Variants in CTH observed in about 807,000 individuals in gnomAD.
CTH encodes cystathionase (cystathionine gamma-lyase).
In CTH, 41 loss-of-function variants were observed where a neutral mutation model predicts 50.6. The observed-to-expected ratio is 0.81, with a 90% CI of 0.63 to 1.05. The LOEUF is 1.05. Ranked by LOEUF, CTH falls within the 50% of genes least tolerant of loss-of-function variation. The pLI is 0.00. For missense variants in CTH, 470 were observed against 492.6 expected, an observed-to-expected ratio of 0.95 and a Z score of 0.43; for synonymous variants, 156 against 168.9, an observed-to-expected ratio of 0.92 and a Z score of 0.59.
intron 5 of CTH, among the ~76,000 whole-genome samples, chr1:70,426,248 C>G (rs927470933): frequency 6.6e-6 from 1 of 152,178 alleles, no homozygotes; most frequent in Non-Finnish European, 1.5e-5. Flanking sequence ...TTCTCCCTCT[C>G]TTTCCTCTGA....
rs1683954853 is a variant in CTH at position 70,411,302 on chromosome 1, C to A, written c.-114C>A. 9 of 1,068,086 alleles carry A rather than the reference C, an allele frequency of 8.4e-6. No individual in the cohort carries two copies. 66.2% of individuals were successfully genotyped at this position (1,068,086 alleles called of 1,614,324 possible). A position where few individuals can be genotyped will look rare whatever the true frequency, so the allele number is the denominator to read the frequency against. On this transcript the variant is annotated 5_prime_UTR_variant, in exon 1 of 12. Transcript: ENST00000370938. The stretch of plus-strand genomic sequence containing the variant: ...GTGCGCTCGCCGTCGGCTCTACCTG[C>A]GTGCTTTAGCTCCTTCTCGCCTGAT...
Position 70,435,108 on chromosome 1 carries a change from T to C in CTH, c.1000-17T>C. On this transcript the variant is annotated splice_polypyrimidine_tract_variant and intron_variant, in intron 9 of 11. Transcript: ENST00000370938. The stretch of plus-strand genomic sequence containing the variant: ...TATTTTACTAGAAAATCTAAATTCA[T>C]GTTTTCTTTGCTATAGCTATTTACT... 6.2e-7 allele frequency: 1 copy of C among 1,607,210 alleles called. No homozygotes were observed.
At chr1:70,422,899 C>T (rs529710162) in intron 4 of CTH, among the ~76,000 whole-genome samples, 16 of 152,150 alleles carry the variant, frequency 1.1e-4, no homozygotes, top group Admixed American at 3.9e-4. Flanking sequence ...CATGAGCCAC[C>T]GTGCCGGGCC....
intron 5 of CTH, among the ~76,000 whole-genome samples, 183 bp downstream of exon 5, chr1:70,424,599 C>G (rs184183501): frequency 3.1e-4 from 47 of 152,220 alleles, no homozygotes; most frequent in African/African-American, 9.9e-4. Flanking sequence ...CTTTTCAAAC[C>G]TATGTTAATA....
chr1:70,416,558 A>G (rs77807700), intron 2 of CTH, among the ~76,000 whole-genome samples: 1 of 134,484 alleles, frequency 7.4e-6, no homozygotes, highest in African/African-American at 2.8e-5. Context: ...ACACCCTGCT[A>G]ATTTTTTTTT....
Position 70,415,956 on chromosome 1 carries a change from G to T in CTH, c.169G>T (p.Gly57Cys). 6.3e-7 allele frequency: 1 copy of T among 1,596,878 alleles called. No homozygotes were observed. ...FKQGAPGQHSGFEYSRSGNPT... is the reference protein window; with the variant it reads ...FKQGAPGQHSCFEYSRSGNPT... ...ATGAACTCGAACTTGTTTTTTTCAG[G>T]GTTTTGAATATAGCCGTTCTGGAAA... Residue 57 changes from glycine to cysteine, a missense_variant and splice_region_variant, in exon 2 of 12, where the codon GGT becomes TGT. Coordinates refer to ENST00000370938, the MANE Select transcript of CTH (RefSeq NM_001902.6).
rs1684295727 is a variant in CTH at position 70,424,314 on chromosome 1, C to T, written c.486C>T (p.Pro162=). ...KLVWIETPTN[P]TQKVIDIEGC... is the part of the protein sequence containing the mutation. ...TTTGGATCGAAACCCCCACAAACCC[C>T]ACCCAGAAGGTGATTGACATTGAAG... The change falls in exon 5 of 12, where the codon CCC becomes CCT. Residue 162 remains proline (P), a synonymous_variant. Transcript: ENST00000370938. The T allele has an allele frequency of 1.2e-6, 2 of 1,614,120 alleles. No individual in the cohort carries two copies. The highest frequency in any genetic ancestry group is 4.5e-5 in the East Asian group (2 of 44,868).
intron 1 of CTH, among the ~76,000 whole-genome samples, chr1:70,412,319 C>T (rs1033123016): frequency 3.3e-5 from 5 of 152,230 alleles, no homozygotes; most frequent in Non-Finnish European, 7.3e-5. Context: ...AAGAACACAA[C>T]TCATGACCGG....
At chr1:70,428,160 T>G (rs924894462) in intron 5 of CTH, among the ~76,000 whole-genome samples, 3 of 152,188 alleles carry the variant, frequency 2.0e-5, no homozygotes, top group African/African-American at 2.4e-5. Context: ...ATCTCATTCA[T>G]GTGTGGAATG....
rs1021737 is a variant in CTH at position 70,439,117 on chromosome 1, G to T, written c.1208G>T (p.Ser403Ile). 450,391 of 1,608,522 alleles carry T rather than the reference G, an allele frequency of 0.28. 66,116 individuals carry two copies. The highest frequency in any genetic ancestry group is 0.4 in the Admixed American group (24,008 of 59,966). Reference protein sequence around the residue: ...ALKAAHPPSGSHS With the variant: ...ALKAAHPPSGIHS ...TTATTATAGCACCCTCCAAGTGGAA[G>T]TCACAGCTAGTATTCCAGAGCTGCT... The change falls in exon 12 of 12, where the codon AGT (serine) becomes ATT (isoleucine). Residue 403 changes from serine to isoleucine, a missense_variant. Coordinates refer to ENST00000370938, the MANE Select transcript of CTH (RefSeq NM_001902.6).
intron 5 of CTH, among the ~76,000 whole-genome samples, chr1:70,428,773 G>C (rs1684402717): frequency 6.6e-6 from 1 of 151,632 alleles, no homozygotes; most frequent in African/African-American, 2.4e-5. Flanking sequence ...ACCATGCTCA[G>C]CTAATTTTTT....
intron 4 of CTH, among the ~76,000 whole-genome samples, chr1:70,422,211 G>A (rs908360970): frequency 2.6e-5 from 4 of 152,216 alleles, no homozygotes; most frequent in Non-Finnish European, 5.9e-5. Context: ...TGTAAGGGAT[G>A]CTGCCCAGAT....
At chr1:70,418,182 T>TGGGAAAAGA in intron 3 of CTH, 150 bp downstream of exon 3, 1 of 917,294 alleles carries the variant, frequency 1.1e-6, no homozygotes, top group East Asian at 2.7e-5. Context: ...CTCTCAGACT[T>TGGGAAAAGA]GGGAAAAGAG....
At chr1:70,433,550 C>A (rs1175438916) in intron 8 of CTH, among the ~76,000 whole-genome samples, 1 of 152,092 alleles carries the variant, frequency 6.6e-6, no homozygotes, top group Non-Finnish European at 1.5e-5. Context: ...ATATAATTAA[C>A]AAGGGAAGTC....
Position 70,411,459 on chromosome 1 carries a change from T to G in CTH, c.44T>G (p.Phe15Cys). ...DASSQGFLPH[F>C]QHFATQAIHV... ...TCCTCACAAGGTTTCCTGCCACACT[T>G]CCAACATTTCGCCACGCAGGCGATC... Residue 15 changes from phenylalanine (F) to cysteine (C), a missense_variant, in exon 1 of 12, where the codon TTC (phenylalanine) becomes TGC (cysteine). Transcript: ENST00000370938. 6.2e-7 allele frequency: 1 copy of G among 1,614,114 alleles called. No homozygotes were observed. Among genetic ancestry groups the G allele is most frequent in the Non-Finnish European group, 8.5e-7 (1 of 1,180,018 alleles).
In CTH at chr1:70,430,293, T is replaced by C. The variant is rs778886445; in HGVS notation, c.647-24T>C. 2.9e-6 allele frequency: 4 copies of C among 1,387,944 alleles called. No individual in the cohort carries two copies. In the South Asian group the frequency reaches 3.5e-5, roughly 12 times the overall value. 86.0% of individuals were successfully genotyped at this position (1,387,944 alleles called of 1,614,324 possible). On this transcript the variant is annotated intron_variant, in intron 6 of 11. Coordinates refer to ENST00000370938, the MANE Select transcript of CTH (RefSeq NM_001902.6). ...ATTGTTTCTAACTGAAATTTTTGTTTGTTTGTTTGTTTTTTGTTTTTAGGC... is the reference window on the plus strand; with the variant it reads ...ATTGTTTCTAACTGAAATTTTTGTTCGTTTGTTTGTTTTTTGTTTTTAGGC...
chr1:70,431,630 T>C (rs1684477561), intron 7 of CTH, among the ~76,000 whole-genome samples: 1 of 152,212 alleles, frequency 6.6e-6, no homozygotes, highest in African/African-American at 2.4e-5. Flanking sequence ...ATGAAGTATA[T>C]ATCCTGGAGG....
chr1:70,423,303 G>A (rs1016668268), intron 4 of CTH, among the ~76,000 whole-genome samples: 4 of 151,924 alleles, frequency 2.6e-5, no homozygotes, highest in African/African-American at 9.7e-5. Context: ...TGGGCACAGT[G>A]GCTCATGCCT....
chr1:70,432,095 T>C lies in CTH; in HGVS notation c.737T>C (p.Val246Ala). ...LRFLQNSLGA[V>A]PSPIDCYLCN... Reference sequence around the variant, plus strand: ...GTTCATTTTGCAGCTCTTGGAGCAGTTCCATCTCCTATTGATTGTTACCTC... The same window carrying C: ...GTTCATTTTGCAGCTCTTGGAGCAGCTCCATCTCCTATTGATTGTTACCTC... Residue 246 changes from valine to alanine, a missense_variant, in exon 8 of 12, where the codon GTT (valine) becomes GCT (alanine). Physicochemically the swap from Val to Ala is moderately conservative, Grantham distance 64 (BLOSUM62 0). Coordinates refer to ENST00000370938, the MANE Select transcript of CTH (RefSeq NM_001902.6). The C allele has an allele frequency of 6.2e-7, 1 of 1,614,080 alleles. No homozygotes were observed. Among genetic ancestry groups the C allele is most frequent in the Non-Finnish European group, 8.5e-7 (1 of 1,180,002 alleles).
Sources: gnomAD v4.1 joint callset for allele counts (sites outside exome capture counted in the v4.1 genomes callset) on GRCh38, gnomAD v4.1.1 for gene constraint, MANE v1.5 for transcripts, NCBI Gene and HGNC (gene_info 2026-07-23, HGNC 2026-07-21) for gene names.